Variants in DISP3 observed in about 807,000 individuals in gnomAD.
DISP3 encodes protein dispatched homolog 3.
In DISP3, 101 loss-of-function variants were observed where a neutral mutation model predicts 135.3. That is an observed-to-expected ratio of 0.75 (90% CI 0.64 to 0.88). DISP3 has a LOEUF of 0.88. Among genes scored for constraint, DISP3 ranks in the 40% least tolerant of loss-of-function variants. The probability of loss-of-function intolerance (pLI) is 0.00; values close to 1 mark genes in which losing one functional copy is unlikely to be tolerated. For synonymous variants in DISP3, 856 were observed against 817.0 expected (o/e 1.05, Z -0.81); for missense variants, 1,713 against 1,878.6 (o/e 0.91, Z 1.63).
intron 1 of DISP3, among the ~76,000 whole-genome samples, chr1:11,500,210 C>T (rs1641463186): frequency 6.6e-6 from 1 of 152,188 alleles, no homozygotes. Context: ...CTGCAGCACC[C>T]CATAGAAGGG....
chr1:11,498,045 G>A (rs889157352), intron 1 of DISP3, among the ~76,000 whole-genome samples: 1 of 152,212 alleles, frequency 6.6e-6, no homozygotes, highest in African/African-American at 2.4e-5. Flanking sequence ...ACTGGGAGGT[G>A]GAGTGGCTGG....
chr1:11,521,330 A>G (rs1399442990), intron 10 of DISP3, among the ~76,000 whole-genome samples: 638 of 51,840 alleles, frequency 0.012, 1 homozygote, highest in Middle Eastern at 0.019. Flanking sequence ...GGCTGGGAGG[A>G]GAAAGGAGGG....
intron 20 of DISP3, 117 bp downstream of exon 20, chr1:11,535,761 G>T (rs543250160): frequency 6.0e-6 from 8 of 1,335,924 alleles, no homozygotes; most frequent in Non-Finnish European, 8.1e-6. Context: ...CCCCATGCAG[G>T]CTGTGTTCTA....
chr1:11,532,925 C>T (rs1296189991), intron 17 of DISP3, among the ~76,000 whole-genome samples: 2 of 152,060 alleles, frequency 1.3e-5, no homozygotes, highest in East Asian at 3.9e-4. Flanking sequence ...AGGCGGGTCT[C>T]GAACTCCTGA....
intron 1 of DISP3, among the ~76,000 whole-genome samples, chr1:11,481,059 T>A (rs61775772): frequency 3.5e-4 from 41 of 116,988 alleles, no homozygotes; most frequent in South Asian, 4.0e-4. Flanking sequence ...TCTCTCTCTC[T>A]CTCTCACACA....
Position 11,536,317 on chromosome 1 carries a change from C to G in DISP3, c.3817-7C>G, listed in dbSNP as rs1402710980. 1 of 1,592,896 alleles carries G rather than the reference C, an allele frequency of 6.3e-7. No homozygotes were observed. Reference sequence around the variant, plus strand: ...GGCTGGGCTCCCAGCTCTCCTCTTGCCCCCAGGACGCCCGAACGCAGCGCC... The same window carrying G: ...GGCTGGGCTCCCAGCTCTCCTCTTGGCCCCAGGACGCCCGAACGCAGCGCC... On this transcript the variant is annotated splice_polypyrimidine_tract_variant and splice_region_variant and intron_variant, in intron 20 of 20. Coordinates refer to ENST00000294484, the MANE Select transcript of DISP3 (RefSeq NM_020780.2). This position sits in a 1 kb window ranked among gnomAD's most constrained non-coding sequence, Gnocchi z 4.3.
rs966879603 is a variant in DISP3 at position 11,502,060 on chromosome 1, C to T, written c.1068C>T (p.Gly356=). 8.8e-6 allele frequency: 14 copies of T among 1,588,058 alleles called. No homozygotes were observed. The highest frequency in any genetic ancestry group is 1.2e-5 in the Non-Finnish European group (14 of 1,166,148). The change falls in exon 2 of 21, where the codon GGC becomes GGT. Residue 356 remains glycine (G), a synonymous_variant. Coordinates refer to ENST00000294484, the MANE Select transcript of DISP3 (RefSeq NM_020780.2). ...TERGGKIYYD[G]MGQDLADIRG... ...GGGGCGGCAAGATCTACTATGACGG[C>T]ATGGGCCAGGACCTGGCGGACATCC... is the stretch of plus-strand genomic sequence containing the variant.
rs77522427 is a variant in DISP3 at position 11,499,034 on chromosome 1, T to C, written c.-3-1956T>C. Among the ~76,000 whole-genome samples the C allele has an allele frequency of 0.022, 3,370 of 151,784 alleles. 107 individuals carry two copies. Among genetic ancestry groups the C allele is most frequent in the African/African-American group, 0.077 (3,168 of 41,340 alleles). On this transcript the variant is annotated intron_variant, in intron 1 of 20. Coordinates refer to ENST00000294484, the MANE Select transcript of DISP3 (RefSeq NM_020780.2). The surrounding 1 kb of genome is among the most constrained non-coding windows in gnomAD (Gnocchi z 5.2). ...GAAGCTTAGACAGGAAGCTGGGGGG[T>C]TCAGATCTGGGAAAGCTTCTTGGAA...
chr1:11,522,859 G>GGCCC (rs1642274091), intron 10 of DISP3, among the ~76,000 whole-genome samples: 6 of 22,988 alleles, frequency 2.6e-4, no homozygotes, highest in South Asian at 1.5e-3. Context: ...GCCCAGCCAG[G>GGCCC]ACCCAGCCAG....
chr1:11,535,973 T>C (rs894926568), intron 20 of DISP3, among the ~76,000 whole-genome samples: 1 of 152,134 alleles, frequency 6.6e-6, no homozygotes, highest in Non-Finnish European at 1.5e-5. Context: ...ACAAGTCTGC[T>C]CCAGCCCCTG....
At chr1:11,485,329 G>C (rs1641008640) in intron 1 of DISP3, among the ~76,000 whole-genome samples, 1 of 152,194 alleles carries the variant, frequency 6.6e-6, no homozygotes, top group Non-Finnish European at 1.5e-5. Flanking sequence ...GGTAGGAGGA[G>C]GGTGCAGTGG....
chr1:11,488,394 C>A (rs1641094967), intron 1 of DISP3, among the ~76,000 whole-genome samples: 1 of 152,174 alleles, frequency 6.6e-6, no homozygotes, highest in Non-Finnish European at 1.5e-5. Context: ...CTGAGCCCAT[C>A]TCCTGGATGG....
chr1:11,519,039 C>T lies in DISP3; in HGVS notation c.1890-316C>T, dbSNP rs993294800. Among the ~76,000 whole-genome samples, 4 of 152,180 alleles carry T rather than the reference C, an allele frequency of 2.6e-5. No homozygotes were observed. Among genetic ancestry groups the T allele is most frequent in the Non-Finnish European group, 5.9e-5 (4 of 68,032 alleles). On this transcript the variant is annotated intron_variant, in intron 7 of 20. Coordinates refer to ENST00000294484, the MANE Select transcript of DISP3 (RefSeq NM_020780.2). The surrounding 1 kb of genome is among the most constrained non-coding windows in gnomAD (Gnocchi z 4.3). ...TTGGAGGCAGAGCCCCTGGGCCACA[C>T]AGCAGCAGAGGAATGAGTCCCCTGA...
chr1:11,495,173 G>A (rs941499805), intron 1 of DISP3, among the ~76,000 whole-genome samples: 7 of 152,088 alleles, frequency 4.6e-5, no homozygotes, highest in East Asian at 1.9e-4. Flanking sequence ...CGGGCAGATC[G>A]CTTGTCAGGA....
chr1:11,525,150 C>G (rs1642375331), intron 11 of DISP3, 26 bp from the exon 12 acceptor site: 1 of 1,611,252 alleles, frequency 6.2e-7, no homozygotes. Flanking sequence ...AAGTCCACCC[C>G]TCTTTCATCC....
chr1:11,494,128 T>A (rs563267516), intron 1 of DISP3, among the ~76,000 whole-genome samples: 17 of 152,256 alleles, frequency 1.1e-4, no homozygotes, highest in African/African-American at 4.1e-4. Flanking sequence ...TGCCCCTTAG[T>A]AGCTGTGTGA....
At chr1:11,493,051 A>G (rs1274909516) in intron 1 of DISP3, among the ~76,000 whole-genome samples, 2 of 152,228 alleles carry the variant, frequency 1.3e-5, no homozygotes, top group East Asian at 3.8e-4. Flanking sequence ...AATAACCAAT[A>G]GCATATATAT....
At chr1:11,495,122 G>A (rs1641294797) in intron 1 of DISP3, among the ~76,000 whole-genome samples, 2 of 152,212 alleles carry the variant, frequency 1.3e-5, no homozygotes, top group South Asian at 4.1e-4. Flanking sequence ...ACTGGGTGTG[G>A]CGGCTCACAC....
At position 11,517,659 on chromosome 1, in the gene DISP3, C is replaced by T; in HGVS notation, c.1889+57C>T. ...GGTATCCACAACAGGCCTCTATGAGCCACTCAGTGCAGCAACCTCTCTTCC... is the reference window on the plus strand; with the variant it reads ...GGTATCCACAACAGGCCTCTATGAGTCACTCAGTGCAGCAACCTCTCTTCC... On this transcript the variant is annotated intron_variant, in intron 7 of 20. Transcript: ENST00000294484. 24 of 1,588,916 alleles carry T rather than the reference C, an allele frequency of 1.5e-5. No homozygotes were observed. In the South Asian group the frequency reaches 2.7e-4, roughly 18 times the overall value.
Sources: allele counts gnomAD v4.1 joint callset (sites outside exome capture counted in the v4.1 genomes callset), GRCh38; gene constraint gnomAD v4.1.1; non-coding constraint Gnocchi (gnomAD v3.1); transcripts MANE v1.5; gene names NCBI Gene and HGNC (gene_info 2026-07-23, HGNC 2026-07-21).